The following FILIP1 variants were observed in gnomAD, a reference collection of about 807,000 sequenced individuals.
FILIP1 encodes filamin-A-interacting protein 1.
A neutral mutation model predicts 102.1 loss-of-function variants in FILIP1; 61 were observed. The ratio of observed to expected loss-of-function variants is 0.60; its 90% confidence interval spans 0.49 to 0.74. The LOEUF is 0.74. Among genes scored for constraint, FILIP1 ranks in the 30% least tolerant of loss-of-function variants. The probability of loss-of-function intolerance (pLI) is 0.00; values close to 1 mark genes in which losing one functional copy is unlikely to be tolerated. For synonymous variants in FILIP1, 491 were observed against 526.9 expected, an observed-to-expected ratio of 0.93 and a Z score of 0.93; for missense variants, 1,314 against 1,441.2, an observed-to-expected ratio of 0.91 and a Z score of 1.43.
At chr6:75,373,187 G>A (rs1257544612) in intron 2 of FILIP1, among the ~76,000 whole-genome samples, 4 of 152,114 alleles carry the variant, frequency 2.6e-5, no homozygotes, top group Admixed American at 2.6e-4. Context: ...AGTTACAAAA[G>A]GACAAATGCT....
chr6:75,308,780 C>G lies in FILIP1; in HGVS notation c.3553G>C (p.Glu1185Gln). The G allele has an allele frequency of 6.2e-7, 1 of 1,614,046 alleles. No homozygotes were observed. The highest frequency in any genetic ancestry group is 1.1e-5 in the South Asian group (1 of 91,082). The change falls in exon 6 of 6, where the codon GAG becomes CAG. Residue 1185 changes from glutamate (E) to glutamine (Q), a missense_variant. Physicochemically the swap from Glu to Gln is conservative, Grantham distance 29 (BLOSUM62 2). Around this residue, in one of 3 missense-constraint regions of FILIP1, gnomAD observed 816 missense variants for 913.1 expected, o/e 0.89. Transcript: ENST00000237172. The part of the protein sequence containing the change: ...APGAGNLTKF[E>Q]PRAETQSMKI... ...ATAGACTGAGTCTCAGCTCGAGGCTCGAATTTGGTCAGATTTCCTGCTCCT... is the reference window on the plus strand; with the variant it reads ...ATAGACTGAGTCTCAGCTCGAGGCTGGAATTTGGTCAGATTTCCTGCTCCT...
intron 2 of FILIP1, among the ~76,000 whole-genome samples, chr6:75,387,764 G>A (rs1041308884): frequency 6.6e-5 from 10 of 151,962 alleles, no homozygotes; most frequent in African/African-American, 1.9e-4. Flanking sequence ...AAGTTCCTTG[G>A]ATAGATTCTG....
rs1776779628 is a variant in FILIP1 at position 75,404,799 on chromosome 6, G to GACCAA, written c.276+9893_276+9897dup. Among the ~76,000 whole-genome samples, 3 of 152,114 alleles carry GACCAA rather than the reference G, an allele frequency of 2.0e-5. No homozygotes were observed. In the South Asian group the frequency reaches 6.2e-4, roughly 32 times the overall value. On this transcript the variant is annotated intron_variant, in intron 2 of 5. Transcript: ENST00000237172. ...GAGGAAGGGTCTCCTTCCTTTTCAA[G>GACCAA]ACCAAAACCAAGTTCAACCCAAAAT...
chr6:75,487,617 G>A (rs550989725), intron 1 of FILIP1, among the ~76,000 whole-genome samples: 1 of 151,764 alleles, frequency 6.6e-6, no homozygotes, highest in South Asian at 2.1e-4. Context: ...AGGGCAAGTT[G>A]GCAGTAACTC....
intron 1 of FILIP1, among the ~76,000 whole-genome samples, chr6:75,440,008 T>C (rs1409833100): frequency 6.6e-6 from 1 of 152,232 alleles, no homozygotes; most frequent in Non-Finnish European, 1.5e-5. Flanking sequence ...ATATTATTGC[T>C]ATGATGGTTT....
At chr6:75,485,915 C>A (rs1779771555) in intron 1 of FILIP1, among the ~76,000 whole-genome samples, 1 of 151,346 alleles carries the variant, frequency 6.6e-6, no homozygotes, top group African/African-American at 2.4e-5. Context: ...GAACCAATAA[C>A]AAGCCTTTAT....
downstream of FILIP1, among the ~76,000 whole-genome samples, chr6:75,307,010 C>T (rs1773007212): frequency 6.6e-6 from 1 of 152,128 alleles, no homozygotes; most frequent in African/African-American, 2.4e-5. Flanking sequence ...ACCCTGTTGG[C>T]CAGGCTGGTC....
chr6:75,440,172 T>C (rs1778161703), intron 1 of FILIP1, among the ~76,000 whole-genome samples: 1 of 152,184 alleles, frequency 6.6e-6, no homozygotes, highest in Admixed American at 6.5e-5. Flanking sequence ...CACGGGCTCT[T>C]TGGGCAACTT....
intron 3 of FILIP1, among the ~76,000 whole-genome samples, chr6:75,357,640 T>C (rs1275005782): frequency 1.3e-5 from 2 of 152,256 alleles, no homozygotes; most frequent in East Asian, 1.9e-4. Context: ...GACTTTAGAA[T>C]GTAGAGGCTG....
intron 1 of FILIP1, among the ~76,000 whole-genome samples, chr6:75,487,182 C>T (rs1779811784): frequency 6.6e-6 from 1 of 152,146 alleles, no homozygotes; most frequent in Non-Finnish European, 1.5e-5. Context: ...TAATGAAACA[C>T]AAAGAGCTTT....
intron 1 of FILIP1, among the ~76,000 whole-genome samples, chr6:75,429,698 C>A (rs568601083): frequency 6.6e-6 from 1 of 152,184 alleles, no homozygotes; most frequent in African/African-American, 2.4e-5. Context: ...AAGGAACATG[C>A]CCTGGGGACC....
intron 4 of FILIP1, among the ~76,000 whole-genome samples, chr6:75,328,252 A>G (rs764319505): frequency 6.6e-6 from 1 of 152,234 alleles, no homozygotes; most frequent in Non-Finnish European, 1.5e-5. Flanking sequence ...ATAATGGATT[A>G]TGGCAAGAGT....
chr6:75,443,667 C>G (rs924805921), intron 1 of FILIP1, among the ~76,000 whole-genome samples: 8 of 152,182 alleles, frequency 5.3e-5, no homozygotes, highest in Admixed American at 4.6e-4. Context: ...CCTCATTTCT[C>G]TTAAACAACT....
chr6:75,430,210 C>T lies in FILIP1; in HGVS notation c.-6-15232G>A, dbSNP rs1777780894. 5.3e-5 allele frequency among the ~76,000 whole-genome samples: 8 copies of T among 152,258 alleles called. No homozygotes were observed. In the South Asian group the frequency reaches 1.7e-3, roughly 32 times the overall value. On this transcript the variant is annotated intron_variant, in intron 1 of 5. Transcript: ENST00000237172. ...TAAGACGTGCCTGCTTCCTCTTCTG[C>T]CATGATTGTAAGTTTCCTCAGGCCT...
intron 1 of FILIP1, among the ~76,000 whole-genome samples, chr6:75,477,731 A>G (rs1185921801): frequency 6.6e-6 from 1 of 152,180 alleles, no homozygotes; most frequent in Non-Finnish European, 1.5e-5. Context: ...CAAAATTTGT[A>G]CACATCCAGG....
At chr6:75,480,556 G>A (rs999083601) in intron 1 of FILIP1, among the ~76,000 whole-genome samples, 6 of 152,214 alleles carry the variant, frequency 3.9e-5, no homozygotes, top group Non-Finnish European at 2.9e-5. Flanking sequence ...TCCAACATGT[G>A]CTCCAAAAAT....
chr6:75,308,036 A>C (rs753465383), downstream of FILIP1: 391 of 985,648 alleles, frequency 4.0e-4, no homozygotes, highest in Non-Finnish European at 4.5e-4. Context: ...GAGGAGCTAA[A>C]ACTTCTACAA....
chr6:75,367,946 G>A (rs1365082097), intron 2 of FILIP1, among the ~76,000 whole-genome samples: 1 of 152,178 alleles, frequency 6.6e-6, no homozygotes, highest in Admixed American at 6.5e-5. Context: ...AAGATCCTAG[G>A]ATGTGGGGAA....
intron 1 of FILIP1, among the ~76,000 whole-genome samples, chr6:75,455,828 C>T (rs908927176): frequency 2.6e-5 from 4 of 152,218 alleles, no homozygotes; most frequent in African/African-American, 9.6e-5. Context: ...GGTCAAGATA[C>T]TATTAGGCTG....
Sources: allele counts gnomAD v4.1 joint callset (sites outside exome capture counted in the v4.1 genomes callset), GRCh38; gene constraint gnomAD v4.1.1; regional missense constraint gnomAD v4.1.1; transcripts MANE v1.5; gene names NCBI Gene and HGNC (gene_info 2026-07-23, HGNC 2026-07-21).